The following ATP2B4 variants were observed in gnomAD, a reference collection of about 807,000 sequenced individuals.
The protein encoded by ATP2B4 is ATPase plasma membrane Ca2+ transporting 4.
Under a neutral mutation model 110.3 loss-of-function variants are expected in ATP2B4, and 39 were observed. The observed-to-expected ratio is 0.35, with a 90% CI of 0.27 to 0.46. The LOEUF is 0.46. Ranked by LOEUF, ATP2B4 falls within the 20% of genes least tolerant of loss-of-function variation. The probability of loss-of-function intolerance (pLI) is 1.00; values close to 1 mark genes in which losing one functional copy is unlikely to be tolerated. For synonymous variants in ATP2B4, 538 were observed against 571.7 expected, an observed-to-expected ratio of 0.94 and a Z score of 0.84; for missense variants, 1,135 against 1,530.9, an observed-to-expected ratio of 0.74 and a Z score of 4.32.
At chr1:203,727,656 C>T in intron 20 of ATP2B4, 85 bp downstream of exon 20, 1 of 1,524,872 alleles carries the variant, frequency 6.6e-7, no homozygotes, top group South Asian at 1.2e-5. Flanking sequence ...TTCTTGTCGG[C>T]CAGCATCTCT....
chr1:203,700,389 G>T, intron 5 of ATP2B4, 58 bp downstream of exon 5: 1 of 1,570,360 alleles, frequency 6.4e-7, no homozygotes, highest in South Asian at 1.2e-5. Flanking sequence ...CTAGGCCACA[G>T]GATCCAGACC....
At chr1:203,703,446 A>T (rs1234342824) in intron 7 of ATP2B4, among the ~76,000 whole-genome samples, 1 of 152,092 alleles carries the variant, frequency 6.6e-6, no homozygotes, top group Admixed American at 6.6e-5. Context: ...TTTCATCTAA[A>T]CTCATTAGAA....
Position 203,734,202 on chromosome 1 carries a change from C to T in ATP2B4, c.3310-5344C>T, listed in dbSNP as rs141623174. On this transcript the variant is annotated intron_variant, in intron 20 of 20. Coordinates refer to ENST00000357681, the MANE Select transcript of ATP2B4 (RefSeq NM_001684.5). ...TGTAGTCCTATAGCTACTCGGGAGG[C>T]TAAGACAGGAGAATCACTTGAACTC... 5.4e-3 allele frequency among the ~76,000 whole-genome samples: 824 copies of T among 151,574 alleles called. 7 individuals carry two copies. Among genetic ancestry groups the T allele is most frequent in the African/African-American group, 0.019 (788 of 41,274 alleles).
intron 17 of ATP2B4, 91 bp downstream of exon 17, chr1:203,721,501 A>C: frequency 1.5e-6 from 2 of 1,327,704 alleles, no homozygotes; most frequent in Non-Finnish European, 2.1e-6. Context: ...TGCACAGGTC[A>C]GGAATAAGCG....
chr1:203,644,310 A>G (rs1189848598), intron 1 of ATP2B4, among the ~76,000 whole-genome samples: 1 of 151,632 alleles, frequency 6.6e-6, no homozygotes, highest in Non-Finnish European at 1.5e-5. Context: ...ACAAATAGAA[A>G]ATTTTCTCTA....
intron 1 of ATP2B4, among the ~76,000 whole-genome samples, chr1:203,675,333 A>G (rs1664797176): frequency 6.6e-6 from 1 of 152,124 alleles, no homozygotes; most frequent in Non-Finnish European, 1.5e-5. Flanking sequence ...TTTTGCCACC[A>G]TTATCACTGC....
chr1:203,678,320 A>G (rs1204544882), intron 1 of ATP2B4, among the ~76,000 whole-genome samples: 2 of 151,662 alleles, frequency 1.3e-5, no homozygotes, highest in East Asian at 3.9e-4. Flanking sequence ...AATTGGAGGA[A>G]AGTGTGTCTG....
rs192402940 is a variant in ATP2B4, at chr1:203,686,389, C to T, written c.193+2991C>T. Among the ~76,000 whole-genome samples, 5 of 152,312 alleles carry T rather than the reference C, an allele frequency of 3.3e-5. No homozygotes were observed. In the East Asian group the frequency reaches 9.6e-4, roughly 29 times the overall value. ...GGCTTTCCTCCAATTTTCCAGATCC[C>T]TTCCCAGAGCTGCCACTGTTTACTT... On this transcript the variant is annotated intron_variant, in intron 2 of 20. Coordinates refer to ENST00000357681, the MANE Select transcript of ATP2B4 (RefSeq NM_001684.5).
intron 1 of ATP2B4, among the ~76,000 whole-genome samples, chr1:203,660,097 A>G (rs10793757): frequency 0.91 from 111,972 of 122,858 alleles, 51,673 homozygotes; most frequent in Middle Eastern, 0.99. Flanking sequence ...AAAAAAAAAA[A>G]AAAGAAAGAA....
chr1:203,638,025 GGGA>G (rs1663510202), intron 1 of ATP2B4, among the ~76,000 whole-genome samples: 1 of 152,164 alleles, frequency 6.6e-6, no homozygotes, highest in Admixed American at 6.5e-5. Context: ...AGTGGGAATG[GGGA>G]GACTAGAATT....
Position 203,739,531 on chromosome 1 carries a change from C to T in ATP2B4, c.3310-15C>T. 2 of 1,599,172 alleles carry T rather than the reference C, an allele frequency of 1.3e-6. No individual in the cohort carries two copies. Among genetic ancestry groups the T allele is most frequent in the Non-Finnish European group, 1.7e-6 (2 of 1,170,672 alleles). ...TCTCTATTTTCTCATCCTCCTTTTC[C>T]TTCCCCTGGTATAGATCAAAGTGGT... On this transcript the variant is annotated splice_polypyrimidine_tract_variant and intron_variant, in intron 20 of 20. Transcript: ENST00000357681.
At chr1:203,673,362 T>C (rs577971991) in intron 1 of ATP2B4, among the ~76,000 whole-genome samples, 3 of 152,314 alleles carry the variant, frequency 2.0e-5, no homozygotes, top group Non-Finnish European at 1.5e-5. Context: ...CAAGGAAGCA[T>C]GATCAGTTCG....
At chr1:203,699,346 C>A in intron 3 of ATP2B4, 114 bp from the exon 4 acceptor site, 2 of 1,395,502 alleles carry the variant, frequency 1.4e-6, no homozygotes, top group Non-Finnish European at 2.0e-6. Flanking sequence ...GTTGTATTTG[C>A]TATTATTCAC....
intron 7 of ATP2B4, 71 bp downstream of exon 7, chr1:203,702,150 TC>T (rs1665712524): frequency 3.2e-6 from 5 of 1,563,930 alleles, no homozygotes; most frequent in Non-Finnish European, 4.4e-6. Flanking sequence ...CAGGCCATCT[TC>T]CTTCTCCCTT....
At chr1:203,666,598 TA>T (rs1430662831) in intron 1 of ATP2B4, among the ~76,000 whole-genome samples, 1 of 152,190 alleles carries the variant, frequency 6.6e-6, no homozygotes, top group Non-Finnish European at 1.5e-5. Flanking sequence ...CTCCTCTTCC[TA>T]TTAACCTCCT....
chr1:203,645,878 C>T (rs1236327566), intron 1 of ATP2B4, among the ~76,000 whole-genome samples: 3 of 151,870 alleles, frequency 2.0e-5, no homozygotes, highest in African/African-American at 4.8e-5. Context: ...CGTGAGCCAC[C>T]GTGCCCGGCC....
At chr1:203,643,557 G>A (rs965818206) in intron 1 of ATP2B4, among the ~76,000 whole-genome samples, 8 of 152,212 alleles carry the variant, frequency 5.3e-5, no homozygotes, top group Admixed American at 3.9e-4. Context: ...GATAATGCGT[G>A]AACCAGAACT....
At chr1:203,658,619 T>C (rs1398401085) in intron 1 of ATP2B4, among the ~76,000 whole-genome samples, 1 of 152,012 alleles carries the variant, frequency 6.6e-6, no homozygotes, top group Admixed American at 6.5e-5. Context: ...AATATTGATG[T>C]CAAAGACAAG....
At chr1:203,643,211 T>A (rs1474595971) in intron 1 of ATP2B4, among the ~76,000 whole-genome samples, 2 of 152,114 alleles carry the variant, frequency 1.3e-5, no homozygotes, top group Non-Finnish European at 2.9e-5. Flanking sequence ...CCTGGTGAAA[T>A]AAGGCAGAGT....
Sources: allele counts gnomAD v4.1 joint callset (sites outside exome capture counted in the v4.1 genomes callset), GRCh38; gene constraint gnomAD v4.1.1; transcripts MANE v1.5; gene names NCBI Gene and HGNC (gene_info 2026-07-23, HGNC 2026-07-21).